Variants in KRT35 observed in about 807,000 individuals in gnomAD.
KRT35 encodes the protein keratin 35, also known as keratin, type I cuticular Ha5.
A neutral mutation model predicts 42.2 loss-of-function variants in KRT35; 33 were observed. That is an observed-to-expected ratio of 0.78 (90% CI 0.59 to 1.05). The LOEUF is 1.05. KRT35 is among the 50% of genes least tolerant of loss of function. The pLI is 0.00. For synonymous variants in KRT35, 218 were observed against 238.2 expected, an observed-to-expected ratio of 0.92 and a Z score of 0.78; for missense variants, 585 against 589.2, an observed-to-expected ratio of 0.99 and a Z score of 0.07.
intron 5 of KRT35, 117 bp downstream of exon 5, chr17:41,478,244 G>C: frequency 9.0e-7 from 1 of 1,113,490 alleles, no homozygotes; most frequent in Non-Finnish European, 1.3e-6. Flanking sequence ...GAGAACCCCT[G>C]GTGCTCAAGA....
intron 1 of KRT35, among the ~76,000 whole-genome samples, 176 bp from the exon 2 acceptor site, chr17:41,479,957 G>A (rs2019231692): frequency 6.6e-6 from 1 of 152,212 alleles, no homozygotes; most frequent in Admixed American, 6.5e-5. Context: ...GGAAAGTCCA[G>A]GGTTTCTTCC....
At chr17:41,478,520 C>T (rs374684246) in intron 4 of KRT35, 34 bp from the exon 5 acceptor site, 51 of 1,604,468 alleles carry the variant, frequency 3.2e-5, no homozygotes, top group Non-Finnish European at 4.3e-5. Context: ...TGGTCAGCCA[C>T]ACCAGGGACT....
At position 41,480,717 on chromosome 17, in the gene KRT35, G is replaced by T; in HGVS notation, c.381C>A (p.Ser127Arg). The stretch of plus-strand genomic sequence containing the variant: ...GCTGCTCACACCACTCACGGATGCG[G>T]CTCTCCAGGCTGGCGTTCTCCTGCT... ...QLEQENASLE[S>R]RIREWCEQQV... The change falls in exon 1 of 7, where the codon AGC becomes AGA. Residue 127 changes from serine to arginine, a missense_variant. Ser to Arg is a moderately radical substitution (Grantham distance 110). Transcript: ENST00000246639. The T allele has an allele frequency of 6.2e-6, 10 of 1,614,210 alleles. No homozygotes were observed. Among genetic ancestry groups the T allele is most frequent in the Non-Finnish European group, 6.8e-6 (8 of 1,180,044 alleles).
At chr17:41,480,536 G>T in intron 1 of KRT35, 91 bp downstream of exon 1, 1 of 978,724 alleles carries the variant, frequency 1.0e-6, no homozygotes, top group South Asian at 1.5e-5. Context: ...CATGCTTGGT[G>T]ACTTCCAACA....
At chr17:41,478,568 A>C (rs2144471831) in intron 4 of KRT35, 82 bp from the exon 5 acceptor site, 1 of 1,503,048 alleles carries the variant, frequency 6.7e-7, no homozygotes, top group Non-Finnish European at 9.1e-7. Context: ...TAGAATCATG[A>C]GCCAAGAAAG....
chr17:41,479,835 A>G, intron 1 of KRT35, 54 bp from the exon 2 acceptor site: 1 of 1,438,820 alleles, frequency 7.0e-7, no homozygotes, highest in Non-Finnish European at 9.8e-7. Context: ...CACTTGTTGG[A>G]GCTCCCTAAA....
At position 41,476,987 on chromosome 17, in the gene KRT35, G is replaced by T. The variant is rs907013559; in HGVS notation, c.*69C>A. The T allele has an allele frequency of 2.2e-5, 32 of 1,442,616 alleles. No individual in the cohort carries two copies. The highest frequency in any genetic ancestry group is 2.6e-4 in the Middle Eastern group (1 of 3,852). 89.4% of individuals were successfully genotyped at this position (1,442,616 alleles called of 1,614,324 possible). A position where few individuals can be genotyped will look rare whatever the true frequency, so the allele number is the denominator to read the frequency against. On this transcript the variant is annotated 3_prime_UTR_variant, in exon 7 of 7. Transcript: ENST00000246639. ...GAAGAGAGGGGATTGGGCTACAAGG[G>T]TTAAGTTTGGGTAGAGGCCAAGTTC...
chr17:41,479,820 C>T (rs768766139), intron 1 of KRT35, 39 bp from the exon 2 acceptor site: 1 of 1,553,062 alleles, frequency 6.4e-7, no homozygotes, highest in East Asian at 2.2e-5. Flanking sequence ...CAAGAAAGGA[C>T]ATTCCACTTG....
intron 4 of KRT35, 42 bp downstream of exon 4, chr17:41,478,792 C>T (rs1167506410): frequency 8.9e-6 from 14 of 1,564,896 alleles, no homozygotes; most frequent in Non-Finnish European, 1.2e-5. Flanking sequence ...CCATGTGAGC[C>T]ACCACATACC....
In KRT35 at chr17:41,479,757, C is replaced by T. The variant is rs751078126; in HGVS notation, c.496G>A (p.Ala166Thr). 6.2e-7 allele frequency: 1 copy of T among 1,614,088 alleles called. No homozygotes were observed. Among genetic ancestry groups the T allele is most frequent in the South Asian group, 1.1e-5 (1 of 91,086 alleles). The stretch of plus-strand genomic sequence containing the variant: ...TTGTCAATCTCCACCACCAGCCTGG[C>T]ATTCTCAGCCTTGCTGCATAGAGTC... ...KKTLCSKAEN[A>T]RLVVEIDNAK... The change falls in exon 2 of 7, where the codon GCC becomes ACC. Residue 166 changes from alanine to threonine, a missense_variant. Physicochemically the swap from Ala to Thr is moderately conservative, Grantham distance 58 (BLOSUM62 0). Transcript: ENST00000246639.
Position 41,477,135 on chromosome 17 carries a change from G to C in KRT35, c.1289C>G (p.Ala430Gly). 1 of 1,613,554 alleles carries C rather than the reference G, an allele frequency of 6.2e-7. No individual in the cohort carries two copies. Among genetic ancestry groups the C allele is most frequent in the Non-Finnish European group, 8.5e-7 (1 of 1,179,644 alleles). The stretch of plus-strand genomic sequence containing the variant: ...GCGGGCTGCACTAGGACCGCAGGAG[G>C]CCGCAGGAAGACAGGGAAGGCATGA... ...SKSCLPCLPA[A>G]SCGPSAARTN... is the part of the protein sequence containing the mutation. Residue 430 changes from alanine to glycine, a missense_variant, in exon 7 of 7, where the codon GCC (alanine) becomes GGC (glycine). By Grantham distance (60) the Ala-to-Gly change is moderately conservative. Coordinates refer to ENST00000246639, the MANE Select transcript of KRT35 (RefSeq NM_002280.6).
chr17:41,480,743 C>T lies in KRT35; in HGVS notation c.355G>A (p.Glu119Lys), dbSNP rs201523783. The stretch of plus-strand genomic sequence containing the variant: ...CTCTCCAGGCTGGCGTTCTCCTGCT[C>T]CAGCTGACGCACCTTCTCCAGGTAG... ...AGYLEKVRQL[E>K]QENASLESRI... The change falls in exon 1 of 7, where the codon GAG becomes AAG. Residue 119 changes from glutamate (E) to lysine (K), a missense_variant. Glu to Lys is a moderately conservative substitution (Grantham distance 56). Transcript: ENST00000246639. 57 of 1,614,202 alleles carry T rather than the reference C, an allele frequency of 3.5e-5. No individual in the cohort carries two copies. The East Asian group carries it at 1.2e-3, about 33-fold the overall frequency.
rs1033509581 is a variant in KRT35, at chr17:41,480,696, C to T, written c.402G>A (p.Glu134=). The change falls in exon 1 of 7, where the codon GAG becomes GAA. Residue 134 remains glutamate (E), a synonymous_variant. Transcript: ENST00000246639. ...CAGGGCACATGTAGGGGACCTGCTG[C>T]TCACACCACTCACGGATGCGGCTCT... ...SLESRIREWC[E]QQVPYMCPDY... 6 of 1,614,234 alleles carry T rather than the reference C, an allele frequency of 3.7e-6. No individual in the cohort carries two copies. The highest frequency in any genetic ancestry group is 1.1e-5 in the South Asian group (1 of 91,088).
chr17:41,479,916 G>C, intron 1 of KRT35, 135 bp from the exon 2 acceptor site: 1 of 695,834 alleles, frequency 1.4e-6, no homozygotes, highest in South Asian at 1.7e-5. Context: ...GTGCATTGGA[G>C]TGTTATGGGC....
rs1240431448 is a variant in KRT35, at chr17:41,479,374, C to A, written c.684G>T (p.Leu228=). The part of the protein sequence containing the change: ...EAQVESLKEE[L]LCLKKNHEEE... ...CCTCATGGTTCTTCTTCAGGCAGAG[C>A]AGCTCCTCCTTCAGGGACTCCACCT... Residue 228 remains leucine (L), a synonymous_variant, in exon 3 of 7, where the codon CTG becomes CTT. Coordinates refer to ENST00000246639, the MANE Select transcript of KRT35 (RefSeq NM_002280.6). 3 of 1,613,922 alleles carry A rather than the reference C, an allele frequency of 1.9e-6. No homozygotes were observed. The highest frequency in any genetic ancestry group is 2.5e-6 in the Non-Finnish European group (3 of 1,179,996).
In KRT35 at chr17:41,481,066, G is replaced by C; in HGVS notation, c.32C>G (p.Ser11Cys). Residue 11 changes from serine (S) to cysteine (C), a missense_variant, in exon 1 of 7, where the codon TCT becomes TGT. Physicochemically the swap from Ser to Cys is moderately radical, Grantham distance 112. Coordinates refer to ENST00000246639, the MANE Select transcript of KRT35 (RefSeq NM_002280.6). ...TCCTGGGCTCTTGAGAGACCCAGAAGAGAAGCCGGCCTTGAGGCATTTGGA... is the reference window on the plus strand; with the variant it reads ...TCCTGGGCTCTTGAGAGACCCAGAACAGAAGCCGGCCTTGAGGCATTTGGA... Reference protein sequence around the residue: MASKCLKAGFSSGSLKSPGGA... With the variant: MASKCLKAGFCSGSLKSPGGA... 6.2e-7 allele frequency: 1 copy of C among 1,612,456 alleles called. No homozygotes were observed.
At position 41,478,948 on chromosome 17, in the gene KRT35, C is replaced by G; in HGVS notation, c.759G>C (p.Glu253Asp). 1 of 1,614,032 alleles carries G rather than the reference C, an allele frequency of 6.2e-7. No individual in the cohort carries two copies. The highest frequency in any genetic ancestry group is 1.1e-5 in the South Asian group (1 of 91,078). The change falls in exon 4 of 7, where the codon GAG becomes GAC. Residue 253 changes from glutamate (E) to aspartate (D), a missense_variant. Glu to Asp is a conservative substitution (Grantham distance 45). Coordinates refer to ENST00000246639, the MANE Select transcript of KRT35 (RefSeq NM_002280.6). The stretch of plus-strand genomic sequence containing the variant: ...GGTCAACAGGTGGGGCAGCGTCCAC[C>G]TCAACATTGAGGCGGTCACCAAGTT... ...RCQLGDRLNV[E>D]VDAAPPVDLN...
intron 2 of KRT35, 33 bp from the exon 3 acceptor site, chr17:41,479,536 A>C: frequency 6.2e-7 from 1 of 1,605,414 alleles, no homozygotes; most frequent in Non-Finnish European, 8.5e-7. Flanking sequence ...CTGAGTCTGC[A>C]TTTCCTTTTT....
At position 41,478,972 on chromosome 17, in the gene KRT35, T is replaced by C; in HGVS notation, c.735A>G (p.Gln245=). ...HEEEVNSLRC[Q]LGDRLNVEVD... ...CCTCAACATTGAGGCGGTCACCAAG[T>C]TGGCAGCGCAGTGAGTTCACTTCCT... Residue 245 remains glutamine, a synonymous_variant, in exon 4 of 7, where the codon CAA becomes CAG. Transcript: ENST00000246639. The C allele has an allele frequency of 6.2e-7, 1 of 1,613,744 alleles. No individual in the cohort carries two copies. Among genetic ancestry groups the C allele is most frequent in the Middle Eastern group, 1.7e-4 (1 of 6,058 alleles).
Sources: allele counts gnomAD v4.1 joint callset (sites outside exome capture counted in the v4.1 genomes callset), GRCh38; gene constraint gnomAD v4.1.1; transcripts MANE v1.5; gene names NCBI Gene and HGNC (gene_info 2026-07-23, HGNC 2026-07-21).